SNAP91: variants seen among roughly 807,000 people sequenced by gnomAD.
SNAP91 encodes synaptosome associated protein 91.
In SNAP91, 27 loss-of-function variants were observed where a neutral mutation model predicts 100.3. The observed-to-expected ratio is 0.27, with a 90% CI of 0.20 to 0.37. The LOEUF (loss-of-function observed/expected upper bound fraction) is 0.37, where lower values mean the gene tolerates loss of function less well. Ranked by LOEUF, SNAP91 falls within the 10% of genes least tolerant of loss-of-function variation. The pLI is 1.00. For synonymous variants in SNAP91, 404 were observed against 398.6 expected, an observed-to-expected ratio of 1.01 and a Z score of -0.16; for missense variants, 986 against 1,123.7, an observed-to-expected ratio of 0.88 and a Z score of 1.75.
intron 8 of SNAP91, among the ~76,000 whole-genome samples, chr6:83,629,471 C>T (rs563214012): frequency 1.2e-4 from 19 of 152,110 alleles, no homozygotes; most frequent in East Asian, 5.8e-4. Flanking sequence ...TTTCTCAATA[C>T]GGATTCTACC....
In SNAP91 at chr6:83,560,136, G is replaced by T; in HGVS notation, c.2599C>A (p.Pro867Thr). 6.2e-7 allele frequency: 1 copy of T among 1,613,908 alleles called. No individual in the cohort carries two copies. Among genetic ancestry groups the T allele is most frequent in the Non-Finnish European group, 8.5e-7 (1 of 1,179,878 alleles). The change falls in exon 28 of 30, where the codon CCC becomes ACC. Residue 867 changes from proline (P) to threonine (T), a missense_variant. Physicochemically the swap from Pro to Thr is conservative, Grantham distance 38 (BLOSUM62 -1). Around this residue, in one of 4 missense-constraint regions of SNAP91, gnomAD observed 71 missense variants for 68.5 expected, o/e 1.04. Transcript: ENST00000369694. ...VMFAQPMMRP[P>T]FGAAAVPGTQ... ...CCAGGTACAGCGGCAGCTCCAAAGGGGGGCCTCATCATGGGCTGTGCAAAC... is the reference window on the plus strand; with the variant it reads ...CCAGGTACAGCGGCAGCTCCAAAGGTGGGCCTCATCATGGGCTGTGCAAAC...
intron 24 of SNAP91, 90 bp from the exon 25 acceptor site, chr6:83,576,143 T>C: frequency 1.5e-6 from 1 of 667,552 alleles, no homozygotes; most frequent in Non-Finnish European, 2.4e-6. Flanking sequence ...CAGAAGTCTA[T>C]AAAAAAGTCC....
Position 83,620,861 on chromosome 6 carries a change from A to G in SNAP91, c.807+2440T>C, listed in dbSNP as rs1226275209. Among the ~76,000 whole-genome samples, 17 of 151,516 alleles carry G rather than the reference A, an allele frequency of 1.1e-4. No individual in the cohort carries two copies. The East Asian group carries it at 3.3e-3, about 30-fold the overall frequency. ...CAAGTAGCCGGGACTACAGGCACCC[A>G]CCACCGCGCCCGGCTAATTTTTTGT... is the stretch of plus-strand genomic sequence containing the variant. On this transcript the variant is annotated intron_variant, in intron 9 of 29. Coordinates refer to ENST00000369694, the MANE Select transcript of SNAP91 (RefSeq NM_001242792.2).
chr6:83,607,718 ATGCAGT>A lies in SNAP91; in HGVS notation c.997_1002del (p.Thr333_Ala334del). ...ACCAACCTGACTGGGACAGCCGCAG[ATGCAGT>A]TGCAAATAAATCAACCGGTGGGGAT... On this transcript the variant is annotated inframe_deletion, in exon 13 of 30. Coordinates refer to ENST00000369694, the MANE Select transcript of SNAP91 (RefSeq NM_001242792.2). 6.3e-7 allele frequency: 1 copy of A among 1,583,838 alleles called. No homozygotes were observed. The highest frequency in any genetic ancestry group is 1.2e-5 in the South Asian group (1 of 86,238).
At chr6:83,569,703 A>AATTGAATC (rs943021946) in intron 26 of SNAP91, among the ~76,000 whole-genome samples, 4 of 152,060 alleles carry the variant, frequency 2.6e-5, no homozygotes, top group Admixed American at 2.6e-4. Flanking sequence ...GGTGGGAGGT[A>AATTGAATC]ATTGAATCAT....
chr6:83,591,374 A>G, intron 21 of SNAP91, 80 bp from the exon 22 acceptor site: 1 of 891,114 alleles, frequency 1.1e-6, no homozygotes, highest in Non-Finnish European at 1.9e-6. Context: ...TATTATGTAG[A>G]GAAATGCAGA....
intron 11 of SNAP91, among the ~76,000 whole-genome samples, chr6:83,612,784 A>G (rs112255528): frequency 6.6e-6 from 1 of 151,286 alleles, no homozygotes; most frequent in African/African-American, 2.4e-5. Flanking sequence ...CCAGCTACTC[A>G]GGAGGCTGAG....
At chr6:83,592,427 T>C (rs1254228346) in intron 21 of SNAP91, 28 bp downstream of exon 21, 1 of 1,476,508 alleles carries the variant, frequency 6.8e-7, no homozygotes, top group East Asian at 2.3e-5. Context: ...AAAGATTCCT[T>C]AAGTGTTGAT....
At position 83,605,635 on chromosome 6, in the gene SNAP91, A is replaced by C. The variant is rs142778996; in HGVS notation, c.1141+50T>G. 1.5e-3 allele frequency: 2,302 copies of C among 1,546,992 alleles called. 32 individuals are homozygous for C. The African/African-American group carries it at 0.027, about 18-fold the overall frequency. On this transcript the variant is annotated intron_variant, in intron 14 of 29. Transcript: ENST00000369694. Reference sequence around the variant, plus strand: ...TAACAATTATAGCCTAAGTAAAAACAATGAAATAAAATGAATAGAGAAATG... The same window carrying C: ...TAACAATTATAGCCTAAGTAAAAACCATGAAATAAAATGAATAGAGAAATG...
intron 26 of SNAP91, among the ~76,000 whole-genome samples, chr6:83,566,335 T>C (rs927815577): frequency 2.6e-5 from 4 of 152,188 alleles, no homozygotes; most frequent in Non-Finnish European, 4.4e-5. Context: ...GTTGTTAAAA[T>C]AGTGAATTTA....
intron 2 of SNAP91, among the ~76,000 whole-genome samples, chr6:83,689,116 G>T (rs987600818): frequency 3.9e-5 from 6 of 152,122 alleles, no homozygotes; most frequent in Non-Finnish European, 8.8e-5. Flanking sequence ...TCAGAGTGGG[G>T]CTTAGGAAAC....
At chr6:83,555,360 T>G (rs1335294013) in intron 29 of SNAP91, among the ~76,000 whole-genome samples, 1 of 152,182 alleles carries the variant, frequency 6.6e-6, no homozygotes, top group African/African-American at 2.4e-5. Context: ...CCTCTTACAA[T>G]TCTTCCCTGT....
At chr6:83,689,112 TG>T (rs2099099858) in intron 2 of SNAP91, among the ~76,000 whole-genome samples, 1 of 152,046 alleles carries the variant, frequency 6.6e-6, no homozygotes, top group African/African-American at 2.4e-5. Flanking sequence ...TGGCTCAGAG[TG>T]GGGCTTAGGA....
At chr6:83,660,182 G>A (rs186541793) in intron 5 of SNAP91, among the ~76,000 whole-genome samples, 10 of 152,300 alleles carry the variant, frequency 6.6e-5, no homozygotes, top group African/African-American at 1.9e-4. Context: ...GGAAGGCCAT[G>A]GACCTACTGC....
At chr6:83,655,125 C>A (rs1562524729) in intron 7 of SNAP91, among the ~76,000 whole-genome samples, 1 of 152,110 alleles carries the variant, frequency 6.6e-6, no homozygotes. Flanking sequence ...ATGGGAGAAT[C>A]CATGAAAATT....
At chr6:83,621,624 A>G (rs191272576) in intron 9 of SNAP91, among the ~76,000 whole-genome samples, 1 of 152,296 alleles carries the variant, frequency 6.6e-6, no homozygotes, top group Non-Finnish European at 1.5e-5. Context: ...ATCCAAGTAT[A>G]TGATTTCAAT....
At chr6:83,672,181 A>G (rs2098797197) in intron 2 of SNAP91, among the ~76,000 whole-genome samples, 1 of 152,122 alleles carries the variant, frequency 6.6e-6, no homozygotes, top group African/African-American at 2.4e-5. Context: ...CATTGCCTAG[A>G]ACGTCTCTGC....
At chr6:83,680,854 C>T in intron 2 of SNAP91, among the ~76,000 whole-genome samples, 1 of 152,092 alleles carries the variant, frequency 6.6e-6, no homozygotes, top group East Asian at 1.9e-4. Context: ...AACTGTTTGC[C>T]TACAGTAAGA....
At chr6:83,634,130 A>G (rs942177669) in intron 8 of SNAP91, among the ~76,000 whole-genome samples, 2 of 152,196 alleles carry the variant, frequency 1.3e-5, no homozygotes, top group Admixed American at 1.3e-4. Context: ...AAATTGTTAC[A>G]AAGTTCAGCT....
Sources: gnomAD v4.1 joint callset for allele counts (sites outside exome capture counted in the v4.1 genomes callset) on GRCh38, gnomAD v4.1.1 for gene constraint, gnomAD v4.1.1 regional missense constraint, MANE v1.5 for transcripts, NCBI Gene and HGNC (gene_info 2026-07-23, HGNC 2026-07-21) for gene names.